Variants in BRSK1 observed in about 807,000 individuals in gnomAD.
The protein encoded by BRSK1 is BR serine/threonine kinase 1.
BRSK1 carries 17 observed loss-of-function variants against 86.2 expected under a neutral mutation model. That is an observed-to-expected ratio of 0.20 (90% CI 0.14 to 0.30). BRSK1 has a LOEUF of 0.30. BRSK1 is among the 10% of genes least tolerant of loss of function. The probability of loss-of-function intolerance (pLI) is 1.00; values close to 1 mark genes in which losing one functional copy is unlikely to be tolerated. For synonymous variants in BRSK1, 464 were observed against 440.1 expected, an observed-to-expected ratio of 1.05 and a Z score of -0.68; for missense variants, 719 against 1,071.9, an observed-to-expected ratio of 0.67 and a Z score of 4.60.
Position 55,304,482 on chromosome 19 carries a change from G to A in BRSK1, c.1348-69G>A, listed in dbSNP as rs990890301. ...GGCCAGCGTCCGTGAGTGTGCGTGT[G>A]AGTGGGGCTCCTAGAGCCTCCTGGG... On this transcript the variant is annotated intron_variant, in intron 13 of 18. Transcript: ENST00000309383. This position sits in a 1 kb window ranked among gnomAD's most constrained non-coding sequence, Gnocchi z 5.2. 4.8e-6 allele frequency: 7 copies of A among 1,463,052 alleles called. No homozygotes were observed. Among genetic ancestry groups the A allele is most frequent in the Middle Eastern group, 2.3e-4 (1 of 4,366 alleles). 90.6% of individuals were successfully genotyped at this position (1,463,052 alleles called of 1,614,324 possible).
chr19:55,311,784 G>T, intron 18 of BRSK1, 127 bp from the exon 19 acceptor site: 7 of 970,166 alleles, frequency 7.2e-6, no homozygotes, highest in Non-Finnish European at 1.1e-5. Flanking sequence ...GGCCTTATCA[G>T]GGATTGGAGC....
Position 55,303,492 on chromosome 19 carries a change from A to G in BRSK1, c.1126+84A>G. The G allele has an allele frequency of 2.0e-6, 3 of 1,512,624 alleles. No homozygotes were observed. Among genetic ancestry groups the G allele is most frequent in the Non-Finnish European group, 1.8e-6 (2 of 1,091,234 alleles). 93.7% of individuals were successfully genotyped at this position (1,512,624 alleles called of 1,614,324 possible). ...CACGGGGACCCCAGATTCCCAAGGA[A>G]AGAAGGGGCTGCAGGCTCTGAGCTT... On this transcript the variant is annotated intron_variant, in intron 11 of 18. Coordinates refer to ENST00000309383, the MANE Select transcript of BRSK1 (RefSeq NM_032430.2). This position sits in a 1 kb window ranked among gnomAD's most constrained non-coding sequence, Gnocchi z 5.1.
intron 18 of BRSK1, 138 bp from the exon 19 acceptor site, chr19:55,311,772 TG>T: frequency 1.2e-6 from 1 of 869,244 alleles, no homozygotes; most frequent in Non-Finnish European, 1.7e-6. Flanking sequence ...CTGGACGGAC[TG>T]GGCCTTATCA....
chr19:55,303,524 T>G lies in BRSK1; in HGVS notation c.1126+116T>G. ...GGCTGCAGGCTCTGAGCTTCCAGCT[T>G]TAGACTGCTTGACTTGCTCTTTGAC... On this transcript the variant is annotated intron_variant, in intron 11 of 18. Transcript: ENST00000309383. The surrounding 1 kb of genome is among the most constrained non-coding windows in gnomAD (Gnocchi z 5.1). 6.8e-7 allele frequency: 1 copy of G among 1,481,470 alleles called. No individual in the cohort carries two copies. Among genetic ancestry groups the G allele is most frequent in the Non-Finnish European group, 9.3e-7 (1 of 1,073,374 alleles). The allele number at this position is 1,481,470 out of a possible 1,614,324, so 91.8% of individuals were successfully genotyped here. A position where few individuals can be genotyped will look rare whatever the true frequency, so the allele number is the denominator to read the frequency against.
In BRSK1 at chr19:55,306,566, G is replaced by A. The variant is rs2088653898; in HGVS notation, c.2089+116G>A. ...GAGGAGGAAATGGTGTTCAGCTGGT[G>A]CCGACTCTCTGTGCTCCTCCTGCCC... On this transcript the variant is annotated intron_variant, in intron 17 of 18. Coordinates refer to ENST00000309383, the MANE Select transcript of BRSK1 (RefSeq NM_032430.2). The surrounding 1 kb of genome is among the most constrained non-coding windows in gnomAD (Gnocchi z 4.7). 4.0e-6 allele frequency: 5 copies of A among 1,247,462 alleles called. No homozygotes were observed. Among genetic ancestry groups the A allele is most frequent in the South Asian group, 1.4e-5 (1 of 73,886 alleles). The allele number at this position is 1,247,462 out of a possible 1,614,324, so 77.3% of individuals were successfully genotyped here. A position where few individuals can be genotyped will look rare whatever the true frequency, so the allele number is the denominator to read the frequency against.
intron 16 of BRSK1, among the ~76,000 whole-genome samples, chr19:55,305,797 A>G (rs77968045): frequency 0.019 from 2,957 of 152,268 alleles, 97 homozygotes; most frequent in African/African-American, 0.068. Flanking sequence ...CCTGAATTGC[A>G]ATGTCCTCAA....
chr19:55,295,849 G>A (rs1285991855), intron 7 of BRSK1, among the ~76,000 whole-genome samples: 4 of 152,092 alleles, frequency 2.6e-5, no homozygotes, highest in African/African-American at 4.8e-5. Context: ...CATGCCTGTA[G>A]TCCCAGCTAC....
Position 55,302,020 on chromosome 19 carries a change from C to T in BRSK1, c.826-117C>T. ...GGCGATGTAATATGTCATCCTGCCC[C>T]CGGTGGGGTGGGCGGGGAGATGATC... On this transcript the variant is annotated intron_variant, in intron 8 of 18. Transcript: ENST00000309383. The surrounding 1 kb of genome is among the most constrained non-coding windows in gnomAD (Gnocchi z 6.3). The T allele has an allele frequency of 4.2e-6, 5 of 1,200,420 alleles. No individual in the cohort carries two copies. Among genetic ancestry groups the T allele is most frequent in the Non-Finnish European group, 6.2e-6 (5 of 805,528 alleles). The allele number at this position is 1,200,420 out of a possible 1,614,324, so 74.4% of individuals were successfully genotyped here. A position where few individuals can be genotyped will look rare whatever the true frequency, so the allele number is the denominator to read the frequency against.
In BRSK1 at chr19:55,311,913, GAGA is replaced by G. The variant is rs1273227757; in HGVS notation, c.2187_2189del (p.Lys729del). On this transcript the variant is annotated inframe_deletion, in exon 19 of 19. Coordinates refer to ENST00000309383, the MANE Select transcript of BRSK1 (RefSeq NM_032430.2). ...AAAAACCTCTTCCTCCCTTGCAGAC[GAGA>G]AGAACGGGGCCCAGACCCGGCCTGC... is the stretch of plus-strand genomic sequence containing the variant. 7 of 1,611,178 alleles carry G rather than the reference GAGA, an allele frequency of 4.3e-6. No homozygotes were observed. Among genetic ancestry groups the G allele is most frequent in the Non-Finnish European group, 5.9e-6 (7 of 1,178,912 alleles).
Position 55,312,438 on chromosome 19 carries a change from C to T in BRSK1, c.*370C>T, listed in dbSNP as rs540475404. On this transcript the variant is annotated 3_prime_UTR_variant, in exon 19 of 19. Coordinates refer to ENST00000309383, the MANE Select transcript of BRSK1 (RefSeq NM_032430.2). Reference sequence around the variant, plus strand: ...TTCCCGGGCCCCTCCTCCCCTGGTCCTCCCCCCACGACCTTCTGTACGGAT... The same window carrying T: ...TTCCCGGGCCCCTCCTCCCCTGGTCTTCCCCCCACGACCTTCTGTACGGAT... 1.6e-4 allele frequency: 30 copies of T among 184,172 alleles called. No homozygotes were observed. Among genetic ancestry groups the T allele is most frequent in the Non-Finnish European group, 2.7e-4 (25 of 90,982 alleles). 11.4% of individuals were successfully genotyped at this position (184,172 alleles called of 1,614,324 possible).
chr19:55,299,292 G>T (rs1326752850), intron 7 of BRSK1, among the ~76,000 whole-genome samples: 1 of 152,182 alleles, frequency 6.6e-6, no homozygotes, highest in Non-Finnish European at 1.5e-5. Context: ...TTCACTAGTT[G>T]AGAGTTTGCA....
At position 55,303,348 on chromosome 19, in the gene BRSK1, G is replaced by T; in HGVS notation, c.1066G>T (p.Asp356Tyr). Residue 356 changes from aspartate (D) to tyrosine (Y), a missense_variant, in exon 11 of 19, where the codon GAT (aspartate) becomes TAT (tyrosine). Transcript: ENST00000309383. This position sits in a 1 kb window ranked among gnomAD's most constrained non-coding sequence, Gnocchi z 5.1. ...AAAGATGATATATTATCTGCTTTTG[G>T]ATCGGAAGGAGCGGTATCCCAGCTG... is the stretch of plus-strand genomic sequence containing the variant. ...QEKMIYYLLL[D>Y]RKERYPSCED... 6.2e-7 allele frequency: 1 copy of T among 1,614,034 alleles called. No homozygotes were observed. The highest frequency in any genetic ancestry group is 8.5e-7 in the Non-Finnish European group (1 of 1,180,004).
chr19:55,303,337 A>T lies in BRSK1; in HGVS notation c.1055A>T (p.Tyr352Phe), dbSNP rs1194096409. The T allele has an allele frequency of 6.2e-7, 1 of 1,613,822 alleles. No individual in the cohort carries two copies. The highest frequency in any genetic ancestry group is 8.5e-7 in the Non-Finnish European group (1 of 1,179,960). Residue 352 changes from tyrosine to phenylalanine, a missense_variant, in exon 11 of 19, where the codon TAT (tyrosine) becomes TTT (phenylalanine). Coordinates refer to ENST00000309383, the MANE Select transcript of BRSK1 (RefSeq NM_032430.2). This position sits in a 1 kb window ranked among gnomAD's most constrained non-coding sequence, Gnocchi z 5.1. The stretch of plus-strand genomic sequence containing the variant: ...GAGAACCAAGAAAAGATGATATATT[A>T]TCTGCTTTTGGATCGGAAGGAGCGG... ...EEENQEKMIY[Y>F]LLLDRKERYP...
Position 55,305,602 on chromosome 19 carries a change from C to G in BRSK1, c.1890+16C>G, listed in dbSNP as rs543781876. The G allele has an allele frequency of 6.2e-7, 1 of 1,613,714 alleles. No individual in the cohort carries two copies. Among genetic ancestry groups the G allele is most frequent in the South Asian group, 1.1e-5 (1 of 91,052 alleles). On this transcript the variant is annotated intron_variant, in intron 16 of 18. Coordinates refer to ENST00000309383, the MANE Select transcript of BRSK1 (RefSeq NM_032430.2). ...CTTTCTGTCGGTGAGGGGCCTGGGT[C>G]CCCATCGAGCCTGGCCCCCGCAGAA...
intron 3 of BRSK1, 59 bp from the exon 4 acceptor site, chr19:55,289,421 C>A (rs62126358): frequency 6.5e-7 from 1 of 1,549,056 alleles, no homozygotes; most frequent in South Asian, 1.2e-5. Context: ...AGTGGGAGAC[C>A]AGGCCCTTTG....
chr19:55,303,061 G>C lies in BRSK1; in HGVS notation c.1028+194G>C, dbSNP rs1002810663. The C allele has an allele frequency of 1.5e-6, 1 of 681,988 alleles. No individual in the cohort carries two copies. The highest frequency in any genetic ancestry group is 1.8e-5 in the African/African-American group (1 of 55,274). 42.2% of individuals were successfully genotyped at this position (681,988 alleles called of 1,614,324 possible). ...CTGAGAAAGTATTAATAGATGCTGC[G>C]ACATAGTACTTACATATACATAGTA... On this transcript the variant is annotated intron_variant, in intron 10 of 18. Coordinates refer to ENST00000309383, the MANE Select transcript of BRSK1 (RefSeq NM_032430.2). The surrounding 1 kb of genome is among the most constrained non-coding windows in gnomAD (Gnocchi z 5.1).
chr19:55,311,922 G>A lies in BRSK1; in HGVS notation c.2191G>A (p.Gly731Arg), dbSNP rs1351923748. Residue 731 changes from glycine to arginine, a missense_variant, in exon 19 of 19, where the codon GGG becomes AGG. Coordinates refer to ENST00000309383, the MANE Select transcript of BRSK1 (RefSeq NM_032430.2). ...TTCCTCCCTTGCAGACGAGAAGAAC[G>A]GGGCCCAGACCCGGCCTGCTGGTGC... is the stretch of plus-strand genomic sequence containing the variant. ...SVQALADEKN[G>R]AQTRPAGAPP... 1.2e-6 allele frequency: 2 copies of A among 1,611,576 alleles called. No individual in the cohort carries two copies. Among genetic ancestry groups the A allele is most frequent in the Non-Finnish European group, 1.7e-6 (2 of 1,179,212 alleles).
intron 4 of BRSK1, 95 bp downstream of exon 4, chr19:55,289,715 C>T (rs1364544186): frequency 6.7e-6 from 10 of 1,484,460 alleles, no homozygotes; most frequent in East Asian, 4.7e-5. Context: ...GCCATGTGGT[C>T]GGCCCCCAAA....
intron 7 of BRSK1, among the ~76,000 whole-genome samples, chr19:55,295,630 G>T (rs1220668403): frequency 6.6e-6 from 1 of 152,150 alleles, no homozygotes; most frequent in African/African-American, 2.4e-5. Context: ...TTGATACAAT[G>T]ACTGTTTACC....
Sources: allele counts gnomAD v4.1 joint callset (sites outside exome capture counted in the v4.1 genomes callset), GRCh38; gene constraint gnomAD v4.1.1; non-coding constraint Gnocchi (gnomAD v3.1); transcripts MANE v1.5; gene names NCBI Gene and HGNC (gene_info 2026-07-23, HGNC 2026-07-21).